The following PCDH7 variants were observed in gnomAD, a reference collection of about 807,000 sequenced individuals.
The protein encoded by PCDH7 is protocadherin-7.
PCDH7 carries 17 observed loss-of-function variants against 58.9 expected under a neutral mutation model. The ratio of observed to expected loss-of-function variants is 0.29; its 90% CI spans 0.20 to 0.43. The LOEUF is 0.43. PCDH7 is among the 20% of genes least tolerant of loss of function. The probability of loss-of-function intolerance (pLI) is 1.00; values close to 1 mark genes in which losing one functional copy is unlikely to be tolerated. For synonymous variants in PCDH7, 664 were observed against 616.4 expected, an observed-to-expected ratio of 1.08 and a Z score of -1.14; for missense variants, 1,274 against 1,441.0, an observed-to-expected ratio of 0.88 and a Z score of 1.88.
chr4:30,990,450 G>C (rs919321703), intron 3 of PCDH7, among the ~76,000 whole-genome samples: 1 of 152,160 alleles, frequency 6.6e-6, no homozygotes, highest in East Asian at 1.9e-4. Context: ...TTCCATGTGT[G>C]ATAGAAAAAG....
At chr4:30,988,618 T>G (rs1751196371) in intron 3 of PCDH7, among the ~76,000 whole-genome samples, 1 of 152,236 alleles carries the variant, frequency 6.6e-6, no homozygotes. Context: ...CGAGTTAGTT[T>G]TGTTTAAGAC....
At chr4:31,094,192 T>C (rs1713642463) in intron 3 of PCDH7, among the ~76,000 whole-genome samples, 2 of 152,140 alleles carry the variant, frequency 1.3e-5, no homozygotes, top group African/African-American at 4.8e-5. Context: ...GATTCCACCC[T>C]CTTGAAATCT....
intron 1 of PCDH7, among the ~76,000 whole-genome samples, chr4:30,872,660 T>C (rs1284977194): frequency 2.6e-5 from 4 of 151,984 alleles, no homozygotes; most frequent in Non-Finnish European, 4.4e-5. Context: ...TGAGGACAAT[T>C]CCTATAAATC....
intron 2 of PCDH7, among the ~76,000 whole-genome samples, chr4:30,937,012 G>A (rs993478644): frequency 7.4e-6 from 1 of 135,820 alleles, no homozygotes; most frequent in African/African-American, 2.5e-5. Flanking sequence ...TTCTACCAAG[G>A]TAGGGAGGAT....
chr4:30,983,187 A>G (rs189601310), intron 3 of PCDH7, among the ~76,000 whole-genome samples: 158 of 152,308 alleles, frequency 1.0e-3, no homozygotes, highest in Middle Eastern at 3.4e-3. Flanking sequence ...AAAGAATATT[A>G]TCTAAGTAAT....
chr4:30,872,144 C>G (rs1735696970), intron 1 of PCDH7, among the ~76,000 whole-genome samples: 1 of 152,034 alleles, frequency 6.6e-6, no homozygotes, highest in Non-Finnish European at 1.5e-5. Flanking sequence ...TTGGGTTCCT[C>G]TGTTTTGTTT....
At chr4:31,077,489 A>G (rs1026297489) in intron 3 of PCDH7, among the ~76,000 whole-genome samples, 7 of 152,182 alleles carry the variant, frequency 4.6e-5, no homozygotes, top group Non-Finnish European at 1.0e-4. Flanking sequence ...TAGAAACAGA[A>G]TGAGTTAACG....
Position 31,090,749 on chromosome 4 carries a change from A to G in PCDH7, c.*8-51724A>G, listed in dbSNP as rs373731188. Among the ~76,000 whole-genome samples, 19 of 152,202 alleles carry G rather than the reference A, an allele frequency of 1.2e-4. No homozygotes were observed. The East Asian group carries it at 2.9e-3, about 23-fold the overall frequency. On this transcript the variant is annotated intron_variant, in intron 3 of 3. Coordinates refer to the PCDH7 transcript ENST00000509759. ...TTTAATCTTTGAAGTTCACAAATTG[A>G]TGAGAAGCATAGTATTTTTTAAAGA...
chr4:31,008,590 T>G (rs906310051), intron 3 of PCDH7, among the ~76,000 whole-genome samples: 1 of 151,582 alleles, frequency 6.6e-6, no homozygotes, highest in Non-Finnish European at 1.5e-5. Context: ...TTTCTCTTGT[T>G]AATTTACAGG....
At chr4:30,774,742 T>C (rs1350673170) in intron 1 of PCDH7, among the ~76,000 whole-genome samples, 1 of 152,226 alleles carries the variant, frequency 6.6e-6, no homozygotes, top group Non-Finnish European at 1.5e-5. Flanking sequence ...TTTCTGCTCT[T>C]ATGTTCTAGG....
chr4:31,069,597 A>G (rs1358663926), intron 3 of PCDH7, among the ~76,000 whole-genome samples: 4 of 152,020 alleles, frequency 2.6e-5, no homozygotes, highest in Non-Finnish European at 5.9e-5. Flanking sequence ...TTTTAGAAAA[A>G]TATTTAGTTT....
At chr4:30,934,637 C>T (rs1745104318) in intron 2 of PCDH7, among the ~76,000 whole-genome samples, 2 of 152,026 alleles carry the variant, frequency 1.3e-5, no homozygotes, top group African/African-American at 4.8e-5. Flanking sequence ...TATCTATGAC[C>T]TTTTGGAGAT....
chr4:30,846,705 C>T (rs749378034), intron 1 of PCDH7, among the ~76,000 whole-genome samples: 5 of 152,062 alleles, frequency 3.3e-5, no homozygotes, highest in Non-Finnish European at 7.4e-5. Context: ...AAAGAATTGC[C>T]TGTTGAGAAC....
At chr4:30,978,963 A>T (rs978720679) in intron 3 of PCDH7, among the ~76,000 whole-genome samples, 2 of 152,168 alleles carry the variant, frequency 1.3e-5, no homozygotes, top group East Asian at 1.9e-4. Flanking sequence ...TTATTATTAA[A>T]CAAAACCACA....
chr4:30,844,624 C>T (rs1450068420), intron 1 of PCDH7, among the ~76,000 whole-genome samples: 3 of 152,150 alleles, frequency 2.0e-5, no homozygotes, highest in South Asian at 2.1e-4. Context: ...ATCTCCTCCT[C>T]CAAATCAATT....
At chr4:30,954,922 A>T (rs543755108) in intron 3 of PCDH7, among the ~76,000 whole-genome samples, 1 of 152,248 alleles carries the variant, frequency 6.6e-6, no homozygotes, top group South Asian at 2.1e-4. Flanking sequence ...TAGTGATAAC[A>T]TGTGTTGACT....
chr4:30,862,398 A>G (rs918171998), intron 1 of PCDH7, among the ~76,000 whole-genome samples: 5 of 152,168 alleles, frequency 3.3e-5, no homozygotes, highest in Non-Finnish European at 7.4e-5. Context: ...TTAGCTGTCT[A>G]CATCCACAAT....
chr4:30,919,791 A>T (rs146348788), intron 1 of PCDH7, among the ~76,000 whole-genome samples: 2 of 152,300 alleles, frequency 1.3e-5, no homozygotes, highest in East Asian at 3.9e-4. Flanking sequence ...GCCTTCACAA[A>T]TCACTGACCT....
chr4:30,775,669 A>G (rs765392133), intron 1 of PCDH7, among the ~76,000 whole-genome samples: 16 of 152,112 alleles, frequency 1.1e-4, no homozygotes, highest in Non-Finnish European at 2.2e-4. Flanking sequence ...GCACTTTGGG[A>G]GGCCAAGGCG....
Sources: gnomAD v4.1 joint callset for allele counts (sites outside exome capture counted in the v4.1 genomes callset) on GRCh38, gnomAD v4.1.1 for gene constraint, MANE v1.5 for transcripts, NCBI Gene and HGNC (gene_info 2026-07-23, HGNC 2026-07-21) for gene names.